Variants in PKN2 observed in about 807,000 individuals in gnomAD.
The protein encoded by PKN2 is serine/threonine-protein kinase N2.
PKN2 carries 38 observed loss-of-function variants against 119.1 expected under a neutral mutation model. The ratio of observed to expected loss-of-function variants is 0.32; its 90% confidence interval spans 0.25 to 0.42. PKN2 has a LOEUF of 0.42. PKN2 is among the 10% of genes least tolerant of loss of function. The pLI is 1.00. For synonymous variants in PKN2, 390 were observed against 384.9 expected (o/e 1.01, Z -0.15); for missense variants, 850 against 1,165.1 (o/e 0.73, Z 3.94).
At chr1:88,782,588 C>G (rs1670390601) in intron 6 of PKN2, among the ~76,000 whole-genome samples, 1 of 151,890 alleles carries the variant, frequency 6.6e-6, no homozygotes, top group Non-Finnish European at 1.5e-5. Context: ...TTTTCTTTTG[C>G]AATGTTTAAT....
intron 16 of PKN2, among the ~76,000 whole-genome samples, chr1:88,821,598 C>T (rs1021946542): frequency 1.3e-5 from 2 of 152,092 alleles, no homozygotes; most frequent in African/African-American, 4.8e-5. Flanking sequence ...TTTTTTCTCT[C>T]AGGTAAGTAC....
chr1:88,695,737 A>G (rs1362656207), intron 1 of PKN2, among the ~76,000 whole-genome samples: 5 of 152,084 alleles, frequency 3.3e-5, no homozygotes, highest in Admixed American at 2.0e-4. Flanking sequence ...GTAAGGTTAT[A>G]CTTTCCTGGG....
chr1:88,808,501 T>C (rs1346970483), intron 15 of PKN2, among the ~76,000 whole-genome samples: 3 of 152,018 alleles, frequency 2.0e-5, no homozygotes, highest in Non-Finnish European at 4.4e-5. Flanking sequence ...AAATGGGGTT[T>C]CACCATGTTA....
intron 1 of PKN2, among the ~76,000 whole-genome samples, chr1:88,692,892 C>A (rs2100649495): frequency 6.6e-6 from 1 of 152,162 alleles, no homozygotes; most frequent in South Asian, 2.1e-4. Context: ...CATCAACAGG[C>A]TTGTATTTAA....
chr1:88,703,823 A>G (rs1369613803), intron 1 of PKN2, among the ~76,000 whole-genome samples: 2 of 152,152 alleles, frequency 1.3e-5, no homozygotes, highest in East Asian at 3.8e-4. Flanking sequence ...TAAGTGATTT[A>G]CTATCATTAA....
intron 6 of PKN2, among the ~76,000 whole-genome samples, chr1:88,774,408 GGC>G (rs1419031187): frequency 6.6e-6 from 1 of 152,092 alleles, no homozygotes; most frequent in Non-Finnish European, 1.5e-5. Flanking sequence ...CATTCTTTCT[GGC>G]ATGGCCAGCC....
At chr1:88,820,509 G>A (rs1672233388) in intron 16 of PKN2, among the ~76,000 whole-genome samples, 1 of 149,062 alleles carries the variant, frequency 6.7e-6, no homozygotes, top group African/African-American at 2.5e-5. Flanking sequence ...CTCCAGCTTG[G>A]GCAACAAGAG....
At chr1:88,830,501 T>A (rs1672686240) in intron 19 of PKN2, among the ~76,000 whole-genome samples, 1 of 152,150 alleles carries the variant, frequency 6.6e-6, no homozygotes, top group Non-Finnish European at 1.5e-5. Flanking sequence ...TTGGTTTTGT[T>A]TCATGTAGTA....
intron 2 of PKN2, among the ~76,000 whole-genome samples, chr1:88,746,067 AATACCTTTATACCTT>A (rs1668757155): frequency 6.6e-6 from 1 of 152,196 alleles, no homozygotes; most frequent in Non-Finnish European, 1.5e-5. Flanking sequence ...CCTTATACGT[AATACCTTTATACCTT>A]ATACCTTTAA....
intron 1 of PKN2, among the ~76,000 whole-genome samples, chr1:88,696,298 A>G (rs1158542958): frequency 6.6e-6 from 1 of 152,232 alleles, no homozygotes; most frequent in Non-Finnish European, 1.5e-5. Flanking sequence ...AAATTAGCTT[A>G]AGCAGAAATT....
At chr1:88,752,520 AATGC>A (rs1669043354) in intron 2 of PKN2, among the ~76,000 whole-genome samples, 1 of 152,084 alleles carries the variant, frequency 6.6e-6, no homozygotes, top group East Asian at 1.9e-4. Flanking sequence ...AATTTCGTGG[AATGC>A]AGATTTGCTA....
intron 8 of PKN2, among the ~76,000 whole-genome samples, chr1:88,786,955 A>T (rs1001038183): frequency 1.4e-5 from 2 of 145,906 alleles, no homozygotes; most frequent in African/African-American, 5.0e-5. Context: ...CTGGGAAAGC[A>T]TTCAATTTTA....
chr1:88,762,109 T>C (rs547506897), intron 3 of PKN2, among the ~76,000 whole-genome samples: 4 of 152,320 alleles, frequency 2.6e-5, no homozygotes, highest in East Asian at 3.9e-4. Context: ...TTGATAGTTG[T>C]ATGGATGAAA....
intron 1 of PKN2, 68 bp downstream of exon 1, chr1:88,684,696 G>A: frequency 7.3e-7 from 1 of 1,370,228 alleles, no homozygotes; most frequent in Admixed American, 3.3e-5. Context: ...CGCGGCGTCG[G>A]GGACCGAGGA....
chr1:88,726,938 A>G (rs931398787), intron 1 of PKN2, among the ~76,000 whole-genome samples: 23 of 152,164 alleles, frequency 1.5e-4, no homozygotes, highest in African/African-American at 3.4e-4. Context: ...GAACATTTCT[A>G]TAAATGTTGC....
chr1:88,701,919 A>T (rs2100665803), intron 1 of PKN2, among the ~76,000 whole-genome samples: 1 of 152,292 alleles, frequency 6.6e-6, no homozygotes, highest in Non-Finnish European at 1.5e-5. Context: ...TGCAACAGTC[A>T]TTGTAGGACT....
intron 2 of PKN2, among the ~76,000 whole-genome samples, chr1:88,748,193 A>G (rs1408502297): frequency 6.6e-6 from 1 of 152,288 alleles, no homozygotes; most frequent in Non-Finnish European, 1.5e-5. Context: ...CACCACATTC[A>G]GAAAAAGGAA....
intron 8 of PKN2, among the ~76,000 whole-genome samples, chr1:88,796,308 T>C (rs909500908): frequency 5.9e-5 from 9 of 152,172 alleles, no homozygotes; most frequent in African/African-American, 2.2e-4. Flanking sequence ...CTTTTCAGGT[T>C]AGGGATACTC....
At chr1:88,829,743 G>T (rs1672658386) in intron 19 of PKN2, among the ~76,000 whole-genome samples, 1 of 152,122 alleles carries the variant, frequency 6.6e-6, no homozygotes, top group South Asian at 2.1e-4. Context: ...TAAGGGATTG[G>T]TTCATTATTC....
Sources: gnomAD v4.1 joint callset for allele counts (sites outside exome capture counted in the v4.1 genomes callset) on GRCh38, gnomAD v4.1.1 for gene constraint, MANE v1.5 for transcripts, NCBI Gene and HGNC (gene_info 2026-07-23, HGNC 2026-07-21) for gene names.